ARHGAP12: variants seen among roughly 807,000 people sequenced by gnomAD.
ARHGAP12 encodes the protein Rho GTPase activating protein 12.
ARHGAP12 carries 64 observed loss-of-function variants against 108.6 expected under a neutral mutation model. The observed-to-expected ratio is 0.59, with a 90% CI of 0.48 to 0.73. ARHGAP12 has a LOEUF of 0.73. ARHGAP12 is among the 30% of genes least tolerant of loss of function. ARHGAP12 has a pLI of 0.00. For missense variants in ARHGAP12, 940 were observed against 1,005.9 expected (o/e 0.93, Z 0.89); for synonymous variants, 312 against 337.2 (o/e 0.93, Z 0.82).
intron 3 of ARHGAP12, among the ~76,000 whole-genome samples, chr10:31,865,572 C>A (rs1415143973): frequency 6.6e-6 from 1 of 151,840 alleles, no homozygotes; most frequent in Non-Finnish European, 1.5e-5. Flanking sequence ...AACTCAGTTC[C>A]CAATTTACAA....
intron 4 of ARHGAP12, among the ~76,000 whole-genome samples, chr10:31,858,130 G>A (rs1286089995): frequency 4.6e-5 from 7 of 152,180 alleles, no homozygotes; most frequent in Non-Finnish European, 1.0e-4. Flanking sequence ...CTGAGTGCAG[G>A]AGTTTGAGAC....
intron 1 of ARHGAP12, among the ~76,000 whole-genome samples, chr10:31,921,062 A>T (rs1257894876): frequency 8.5e-5 from 13 of 152,080 alleles, no homozygotes; most frequent in Admixed American, 8.5e-4. Flanking sequence ...GGATCACTTG[A>T]GGCCAAGAGT....
chr10:31,894,533 A>G (rs1019626349), intron 3 of ARHGAP12, among the ~76,000 whole-genome samples: 82 of 152,300 alleles, frequency 5.4e-4, no homozygotes, highest in African/African-American at 1.9e-3. Context: ...TAGGAATCCA[A>G]CTTACAAGGG....
At chr10:31,926,576 G>A (rs1166080425) in intron 1 of ARHGAP12, among the ~76,000 whole-genome samples, 1 of 152,048 alleles carries the variant, frequency 6.6e-6, no homozygotes, top group African/African-American at 2.4e-5. Flanking sequence ...CATTTTCTCA[G>A]GTAAGTAAAA....
chr10:31,810,535 T>C (rs1834977927), intron 16 of ARHGAP12, 114 bp downstream of exon 16: 1 of 674,534 alleles, frequency 1.5e-6, no homozygotes, highest in Non-Finnish European at 2.5e-6. Flanking sequence ...CTTAGGACTA[T>C]AAGGAACTTC....
intron 5 of ARHGAP12, among the ~76,000 whole-genome samples, chr10:31,853,711 A>T (rs1836782033): frequency 6.6e-6 from 1 of 152,258 alleles, no homozygotes; most frequent in South Asian, 2.1e-4. Flanking sequence ...GAGAATAGGC[A>T]GTGAGGCGAT....
At chr10:31,915,513 AGATCTATTGTACAGCAAG>A (rs140966695) in intron 1 of ARHGAP12, among the ~76,000 whole-genome samples, 2,558 of 152,286 alleles carry the variant, frequency 0.017, 81 homozygotes, top group African/African-American at 0.058. Context: ...AAATTTCAAG[AGATCTATTGTACAGCAAG>A]GTGACTACAG....
chr10:31,907,909 G>A (rs954079550), intron 3 of ARHGAP12, among the ~76,000 whole-genome samples: 2 of 151,960 alleles, frequency 1.3e-5, no homozygotes, highest in Non-Finnish European at 2.9e-5. Flanking sequence ...AATCAATAGA[G>A]AAAAGGGAAA....
rs770581460 is a variant in ARHGAP12 at position 31,809,298 on chromosome 10, A to C, written c.2060T>G (p.Ile687Ser). The C allele has an allele frequency of 6.2e-7, 1 of 1,613,730 alleles. No individual in the cohort carries two copies. Among genetic ancestry groups the C allele is most frequent in the Non-Finnish European group, 8.5e-7 (1 of 1,179,676 alleles). Residue 687 changes from isoleucine to serine, a missense_variant, in exon 17 of 20, where the codon ATT becomes AGT. Coordinates refer to ENST00000344936, the MANE Select transcript of ARHGAP12 (RefSeq NM_018287.7). Reference sequence around the variant, plus strand: ...GCCACTTACTCTGTATATCCCATCAATATCCAAACCTAAGAGACAATAATA... The same window carrying C: ...GCCACTTACTCTGTATATCCCATCACTATCCAAACCTAAGAGACAATAATA... ...IEHVEEHGLDIDGIYRVSGNL... is the reference protein window; with the variant it reads ...IEHVEEHGLDSDGIYRVSGNL...
chr10:31,831,473 T>C (rs1225407325), intron 10 of ARHGAP12, among the ~76,000 whole-genome samples: 1 of 150,170 alleles, frequency 6.7e-6, no homozygotes, highest in Non-Finnish European at 1.5e-5. Context: ...GTGCATTTAC[T>C]GCTTACTGAA....
intron 3 of ARHGAP12, among the ~76,000 whole-genome samples, chr10:31,873,414 A>G (rs2808081): frequency 0.46 from 70,550 of 152,042 alleles, 16,679 homozygotes; most frequent in Non-Finnish European, 0.51. Flanking sequence ...ATCCAGCATC[A>G]GTTTTCATAT....
chr10:31,809,693 T>C, intron 16 of ARHGAP12: 1 of 163,754 alleles, frequency 6.1e-6, no homozygotes, highest in Non-Finnish European at 1.3e-5. Flanking sequence ...ATAATGTAAA[T>C]GCACATATTG....
chr10:31,834,845 T>C (rs1031328229), intron 9 of ARHGAP12, among the ~76,000 whole-genome samples: 3 of 152,114 alleles, frequency 2.0e-5, no homozygotes, highest in Non-Finnish European at 2.9e-5. Flanking sequence ...GTTTTTGAAT[T>C]TGACATAAAA....
At chr10:31,886,585 G>A (rs1045009930) in intron 3 of ARHGAP12, among the ~76,000 whole-genome samples, 2 of 152,112 alleles carry the variant, frequency 1.3e-5, no homozygotes, top group African/African-American at 2.4e-5. Context: ...AATATAAAAA[G>A]TATACTGACA....
chr10:31,864,607 A>G (rs912086525), intron 3 of ARHGAP12, among the ~76,000 whole-genome samples: 1 of 152,218 alleles, frequency 6.6e-6, no homozygotes, highest in Non-Finnish European at 1.5e-5. Context: ...AACACGAACA[A>G]AAGTATGCAA....
intron 3 of ARHGAP12, among the ~76,000 whole-genome samples, chr10:31,894,002 G>A (rs1838568570): frequency 6.6e-6 from 1 of 152,272 alleles, no homozygotes; most frequent in African/African-American, 2.4e-5. Flanking sequence ...AAAACCACAT[G>A]ATTATCTCAA....
intron 3 of ARHGAP12, among the ~76,000 whole-genome samples, chr10:31,862,685 C>T (rs1299520329): frequency 6.7e-6 from 1 of 148,766 alleles, no homozygotes; most frequent in African/African-American, 2.5e-5. Flanking sequence ...CACCAGATGA[C>T]AGTGGCGCAT....
rs1839514870 is a variant in ARHGAP12, at chr10:31,915,422, G to GT, written c.-110-4860dup. 2.0e-5 allele frequency among the ~76,000 whole-genome samples: 3 copies of GT among 151,984 alleles called. No homozygotes were observed. The South Asian group carries it at 6.2e-4, about 32-fold the overall frequency. On this transcript the variant is annotated intron_variant, in intron 1 of 19. Coordinates refer to ENST00000344936, the MANE Select transcript of ARHGAP12 (RefSeq NM_018287.7). The stretch of plus-strand genomic sequence containing the variant: ...AAAAAAAGTTGAGAGTAAAATGGTG[G>GT]TAACGAGAGGCTAAGGGCCTAGGGG...
chr10:31,881,954 G>T (rs1301124177), intron 3 of ARHGAP12, among the ~76,000 whole-genome samples: 1 of 143,770 alleles, frequency 7.0e-6, no homozygotes, highest in Admixed American at 7.2e-5. Flanking sequence ...TCGCTCTGTC[G>T]CCCAGGCTGG....
Sources: gnomAD v4.1 joint callset for allele counts (sites outside exome capture counted in the v4.1 genomes callset) on GRCh38, gnomAD v4.1.1 for gene constraint, MANE v1.5 for transcripts, NCBI Gene and HGNC (gene_info 2026-07-23, HGNC 2026-07-21) for gene names.